The following RAB19 variants were observed in gnomAD, a reference collection of about 807,000 sequenced individuals.
RAB19 encodes RAB19, member RAS oncogene family.
Under a neutral mutation model 17.3 loss-of-function variants are expected in RAB19, and 21 were observed. That is an observed-to-expected ratio of 1.21 (90% CI 0.86 to 1.74). RAB19 has a LOEUF of 1.74. Among genes scored for constraint, RAB19 ranks in the 40% most tolerant of loss-of-function variants. The probability of loss-of-function intolerance (pLI) is 0.00; values close to 1 mark genes in which losing one functional copy is unlikely to be tolerated. For missense variants in RAB19, 277 were observed against 286.8 expected (o/e 0.97, Z 0.25); for synonymous variants, 126 against 110.4 (o/e 1.14, Z -0.88).
intron 2 of RAB19, among the ~76,000 whole-genome samples, chr7:140,409,164 G>T (rs537348515): frequency 6.6e-6 from 1 of 152,086 alleles, no homozygotes; most frequent in African/African-American, 2.4e-5. Context: ...AGAAGTTCAA[G>T]ACCAGCCTGG....
intron 1 of RAB19, among the ~76,000 whole-genome samples, chr7:140,406,396 T>C (rs1799242322): frequency 6.6e-6 from 1 of 152,070 alleles, no homozygotes; most frequent in Admixed American, 6.6e-5. Flanking sequence ...TCCCAGCACT[T>C]TGGGAGACTG....
chr7:140,407,861 G>A lies in RAB19; in HGVS notation c.201+14G>A, dbSNP rs531805489. ...AAAAAAGTGAAGGTCAGAGGGCACC[G>A]GGACGGGACTGGTTCCACCTTTTTT... On this transcript the variant is annotated intron_variant, in intron 2 of 3. Coordinates refer to ENST00000537763, the MANE Select transcript of RAB19 (RefSeq NM_001008749.3). 6.5e-5 allele frequency: 101 copies of A among 1,547,222 alleles called. 2 individuals are homozygous for A. In the South Asian group the frequency reaches 8.2e-4, roughly 13 times the overall value.
chr7:140,411,673 C>T (rs1297374751), intron 2 of RAB19: 5 of 1,272,038 alleles, frequency 3.9e-6, no homozygotes, highest in East Asian at 5.1e-5. Flanking sequence ...CTTAGATGGT[C>T]GTTCCCCAAC....
chr7:140,423,225 A>G (rs1799593181), intron 3 of RAB19, among the ~76,000 whole-genome samples: 1 of 152,112 alleles, frequency 6.6e-6, no homozygotes, highest in South Asian at 2.1e-4. Context: ...AGATCATCTG[A>G]GGTCGGGAGT....
chr7:140,412,418 C>T (rs377079801), intron 3 of RAB19, among the ~76,000 whole-genome samples: 1 of 152,052 alleles, frequency 6.6e-6, no homozygotes, highest in African/African-American at 2.4e-5. Context: ...TGCCATTGCA[C>T]TCCAGCCCGG....
At chr7:140,424,889 G>A (rs1241168526) in intron 3 of RAB19, among the ~76,000 whole-genome samples, 1 of 152,002 alleles carries the variant, frequency 6.6e-6, no homozygotes. Context: ...AAATCTTGAT[G>A]TCTGGTAGAA....
chr7:140,416,697 C>T (rs1172360590), intron 3 of RAB19, among the ~76,000 whole-genome samples: 1 of 152,158 alleles, frequency 6.6e-6, no homozygotes, highest in Admixed American at 6.6e-5. Flanking sequence ...TGGCTCACCC[C>T]AGAGTGTGCA....
chr7:140,413,776 T>C (rs917746924), intron 3 of RAB19, among the ~76,000 whole-genome samples: 7 of 152,104 alleles, frequency 4.6e-5, no homozygotes, highest in Admixed American at 6.6e-5. Flanking sequence ...AGCTGTGCCA[T>C]GGCATACAAA....
chr7:140,405,652 A>T (rs1016347731), intron 1 of RAB19, among the ~76,000 whole-genome samples: 3 of 152,080 alleles, frequency 2.0e-5, no homozygotes, highest in African/African-American at 7.2e-5. Flanking sequence ...TGCTAGGATT[A>T]CAGGCATGAG....
chr7:140,421,976 C>A (rs1171992108), intron 3 of RAB19, among the ~76,000 whole-genome samples: 1 of 152,090 alleles, frequency 6.6e-6, no homozygotes, highest in African/African-American at 2.4e-5. Flanking sequence ...TGATTATTAT[C>A]ATTACTCTGC....
Position 140,412,033 on chromosome 7 carries a change from G to A in RAB19, c.361G>A (p.Ala121Thr). The change falls in exon 3 of 4, where the codon GCA (alanine) becomes ACA (threonine). Residue 121 changes from alanine to threonine, a missense_variant. By Grantham distance (58) the Ala-to-Thr change is moderately conservative (BLOSUM62 0). Coordinates refer to ENST00000537763, the MANE Select transcript of RAB19 (RefSeq NM_001008749.3). Reference sequence around the variant, plus strand: ...TCATGAGATAGAGAAATATGGAGCTGCAAATGTGGTCATTATGCTGATTGG... The same window carrying A: ...TCATGAGATAGAGAAATATGGAGCTACAAATGTGGTCATTATGCTGATTGG... ...WIHEIEKYGA[A>T]NVVIMLIGNK... 2 of 1,612,870 alleles carry A rather than the reference G, an allele frequency of 1.2e-6. No individual in the cohort carries two copies. Among genetic ancestry groups the A allele is most frequent in the Non-Finnish European group, 1.7e-6 (2 of 1,180,032 alleles).
At position 140,411,954 on chromosome 7, in the gene RAB19, C is replaced by T. The variant is rs762870899; in HGVS notation, c.282C>T (p.Ile94=). ...QSYYRSAHAA[I]IAYDLTRRST... is the part of the protein sequence containing the mutation. Reference sequence around the variant, plus strand: ...ACTACCGCAGTGCCCACGCAGCCATCATCGCCTATGACCTCACCCGGCGGT... The same window carrying T: ...ACTACCGCAGTGCCCACGCAGCCATTATCGCCTATGACCTCACCCGGCGGT... Residue 94 remains isoleucine (I), a synonymous_variant, in exon 3 of 4, where the codon ATC becomes ATT. Coordinates refer to ENST00000537763, the MANE Select transcript of RAB19 (RefSeq NM_001008749.3). 2.5e-6 allele frequency: 4 copies of T among 1,614,238 alleles called. No individual in the cohort carries two copies. The highest frequency in any genetic ancestry group is 2.5e-6 in the Non-Finnish European group (3 of 1,180,050).
intron 2 of RAB19, chr7:140,410,845 G>T: frequency 1.0e-6 from 1 of 991,946 alleles, no homozygotes; most frequent in Non-Finnish European, 1.4e-6. Context: ...AGAATATGAA[G>T]AAATTGCTAC....
intron 3 of RAB19, among the ~76,000 whole-genome samples, chr7:140,419,067 G>GTTTTTTTTTTTTTTTTTTTTTTT (rs1447992366): frequency 9.4e-6 from 1 of 106,438 alleles, no homozygotes; most frequent in African/African-American, 3.6e-5. Flanking sequence ...TTGTTTTGTG[G>GTTTTTTTTTTTTTTTTTTTTTTT]TTTGTTTTTT....
intron 3 of RAB19, among the ~76,000 whole-genome samples, chr7:140,421,517 G>A (rs1041044878): frequency 1.3e-5 from 2 of 151,984 alleles, no homozygotes; most frequent in African/African-American, 2.4e-5. Context: ...GTGCCACTAC[G>A]CCCAGCTAAT....
intron 2 of RAB19, among the ~76,000 whole-genome samples, chr7:140,411,571 A>G (rs1363403148): frequency 6.6e-6 from 1 of 151,896 alleles, no homozygotes; most frequent in Admixed American, 6.6e-5. Flanking sequence ...AACTCATAAT[A>G]TTTTAAGAAA....
At chr7:140,424,615 C>CTA (rs1199774395) in intron 3 of RAB19, among the ~76,000 whole-genome samples, 88 of 72,432 alleles carry the variant, frequency 1.2e-3, no homozygotes, top group Middle Eastern at 6.5e-3. Flanking sequence ...CTCTCTCTCT[C>CTA]TCTCTATATA....
rs559583507 is a variant in RAB19, at chr7:140,427,692, C to T, written c.*1542C>T. On this transcript the variant is annotated 3_prime_UTR_variant, in exon 4 of 4. Coordinates refer to ENST00000537763, the MANE Select transcript of RAB19 (RefSeq NM_001008749.3). ...GTCTCGAACTCCTGACCTCATGATC[C>T]ACCTGTCTCGTGGCCTCCCAAAGTG... Among the ~76,000 whole-genome samples, 2 of 151,874 alleles carry T rather than the reference C, an allele frequency of 1.3e-5. No homozygotes were observed. Among genetic ancestry groups the T allele is most frequent in the South Asian group, 2.1e-4 (1 of 4,796 alleles).
rs190129064 is a variant in RAB19, at chr7:140,407,030, C to A, written c.-23-594C>A. On this transcript the variant is annotated intron_variant, in intron 1 of 3. Coordinates refer to ENST00000537763, the MANE Select transcript of RAB19 (RefSeq NM_001008749.3). ...CCTCCCGAATAGCTGAGATTATAGG[C>A]ATGCGCCACCACACCCAGCTAACTT... 5.3e-5 allele frequency among the ~76,000 whole-genome samples: 8 copies of A among 152,238 alleles called. No individual in the cohort carries two copies. The East Asian group carries it at 1.4e-3, about 26-fold the overall frequency.
Sources: gnomAD v4.1 joint callset for allele counts (sites outside exome capture counted in the v4.1 genomes callset) on GRCh38, gnomAD v4.1.1 for gene constraint, MANE v1.5 for transcripts, NCBI Gene and HGNC (gene_info 2026-07-23, HGNC 2026-07-21) for gene names.